GPHN: variants seen among roughly 807,000 people sequenced by gnomAD.
GPHN encodes gephyrin.
In GPHN, 17 loss-of-function variants were observed where a neutral mutation model predicts 95.5. The observed-to-expected ratio is 0.18, with a 90% CI of 0.12 to 0.27. The LOEUF (loss-of-function observed/expected upper bound fraction) is 0.27. Among genes scored for constraint, GPHN ranks in the 10% least tolerant of loss-of-function variants. GPHN has a pLI of 1.00. For missense variants in GPHN, 660 were observed against 978.1 expected, an observed-to-expected ratio of 0.67 and a Z score of 4.34; for synonymous variants, 320 against 322.5, an observed-to-expected ratio of 0.99 and a Z score of 0.08.
chr14:67,578,804 G>A, the GPHN span, among the ~76,000 whole-genome samples: 3 of 152,118 alleles, frequency 2.0e-5, no homozygotes, highest in Admixed American at 1.3e-4. This position sits in a 1 kb window ranked among gnomAD's most constrained non-coding sequence, Gnocchi z 5.0. Flanking sequence ...TGTGGATCTG[G>A]GCATGCTTAA....
chr14:67,155,936 C>G (rs1043671839), intron 18 of GPHN, among the ~76,000 whole-genome samples: 1 of 151,966 alleles, frequency 6.6e-6, no homozygotes, highest in African/African-American at 2.4e-5. Flanking sequence ...AATGATGGAA[C>G]CCAGAAAACA....
intron 2 of GPHN, among the ~76,000 whole-genome samples, chr14:66,747,612 A>T (rs1334637423): frequency 1.4e-5 from 1 of 71,566 alleles, no homozygotes; most frequent in African/African-American, 1.9e-4. Context: ...AGTACATTGT[A>T]AAAAAAAAAA....
At chr14:67,690,102 C>T in the GPHN span, 70 of 877,998 alleles carry the variant, frequency 8.0e-5, no homozygotes, top group Non-Finnish European at 1.1e-4. Context: ...ATTATAGCCA[C>T]GGAAGCAGGT....
intron 2 of GPHN, among the ~76,000 whole-genome samples, chr14:66,714,486 T>G (rs369171885): frequency 1.9e-4 from 29 of 152,294 alleles, no homozygotes; most frequent in African/African-American, 6.5e-4. Context: ...GATTCCGTTT[T>G]TTACTTTCTC....
the GPHN span, among the ~76,000 whole-genome samples, chr14:67,549,273 A>AT: frequency 0.012 from 1,726 of 139,852 alleles, 23 homozygotes; most frequent in African/African-American, 0.036. Flanking sequence ...GAGATTTTTA[A>AT]TTTTTTTTTT....
chr14:66,594,099 A>G (rs1474505611), intron 1 of GPHN, among the ~76,000 whole-genome samples: 1 of 152,152 alleles, frequency 6.6e-6, no homozygotes, highest in Admixed American at 6.5e-5. Flanking sequence ...TTAGGTATAA[A>G]TTTACCCAAA....
chr14:66,591,182 A>G (rs951696489), intron 1 of GPHN, among the ~76,000 whole-genome samples: 1 of 152,192 alleles, frequency 6.6e-6, no homozygotes, highest in African/African-American at 2.4e-5. Flanking sequence ...ATTTATGACA[A>G]ACCCGCAGCC....
chr14:67,488,079 C>T, the GPHN span, among the ~76,000 whole-genome samples: 7 of 152,208 alleles, frequency 4.6e-5, no homozygotes, highest in Non-Finnish European at 1.0e-4. Context: ...GCACTCAGGC[C>T]CAGCATGGCC....
At chr14:66,915,568 A>G (rs1376294749) in intron 5 of GPHN, among the ~76,000 whole-genome samples, 1 of 152,202 alleles carries the variant, frequency 6.6e-6, no homozygotes, top group Non-Finnish European at 1.5e-5. Flanking sequence ...GTTTTACTTT[A>G]AAACTTATAG....
At chr14:67,571,876 T>G in the GPHN span, 1 of 1,612,688 alleles carries the variant, frequency 6.2e-7, no homozygotes, top group Non-Finnish European at 8.5e-7. Context: ...ACCAGCGGAC[T>G]AGGCAGCCCC....
intron 1 of GPHN, among the ~76,000 whole-genome samples, chr14:66,676,618 T>C (rs6573701): frequency 0.33 from 49,753 of 151,082 alleles, 12,130 homozygotes; most frequent in African/African-American, 0.67. Context: ...TATTGATTTT[T>C]ATATGTTGAA....
chr14:66,908,531 A>T (rs1289966886), intron 5 of GPHN, among the ~76,000 whole-genome samples: 1 of 152,118 alleles, frequency 6.6e-6, no homozygotes, highest in Non-Finnish European at 1.5e-5. Flanking sequence ...ATTTATATAG[A>T]TGCTCCACCC....
At chr14:67,593,941 G>A in the GPHN span, 1 of 1,609,632 alleles carries the variant, frequency 6.2e-7, no homozygotes, top group South Asian at 1.1e-5. Context: ...CAGCAGAGAG[G>A]ATCATGCTGT....
intron 1 of GPHN, among the ~76,000 whole-genome samples, chr14:66,654,755 A>G (rs1483598874): frequency 6.6e-6 from 1 of 151,900 alleles, no homozygotes; most frequent in Non-Finnish European, 1.5e-5. Flanking sequence ...ATTTTCTCCT[A>G]TTTTTCCTAA....
At chr14:66,632,027 T>C (rs1380348619) in intron 1 of GPHN, among the ~76,000 whole-genome samples, 9 of 152,238 alleles carry the variant, frequency 5.9e-5, no homozygotes, top group African/African-American at 2.2e-4. Flanking sequence ...ATTGGTATTA[T>C]TATTTTTCTG....
At chr14:67,329,864 AAAT>A in the GPHN span, among the ~76,000 whole-genome samples, 1 of 110,654 alleles carries the variant, frequency 9.0e-6, no homozygotes, top group Non-Finnish European at 1.6e-5. Context: ...ATAAATAAAT[AAAT>A]AAATAAATAA....
chr14:67,527,175 A>G, the GPHN span, among the ~76,000 whole-genome samples: 1 of 152,196 alleles, frequency 6.6e-6, no homozygotes, highest in Admixed American at 6.5e-5. Context: ...CTGAGTGGCT[A>G]AAGGCGTGGT....
intron 8 of GPHN, among the ~76,000 whole-genome samples, chr14:66,952,969 C>T (rs561448000): frequency 1.3e-5 from 2 of 151,866 alleles, no homozygotes; most frequent in Admixed American, 6.6e-5. Context: ...GCTGGGATTA[C>T]AGGTGTGAGC....
At chr14:66,871,006 C>G (rs1478572666) in intron 4 of GPHN, among the ~76,000 whole-genome samples, 1 of 152,152 alleles carries the variant, frequency 6.6e-6, no homozygotes, top group Non-Finnish European at 1.5e-5. Flanking sequence ...AGTGGTCTGG[C>G]AAAATCCAGT....
Sources: gnomAD v4.1 joint callset for allele counts (sites outside exome capture counted in the v4.1 genomes callset) on GRCh38, gnomAD v4.1.1 for gene constraint, Gnocchi (gnomAD v3.1) non-coding constraint, MANE v1.5 for transcripts, NCBI Gene and HGNC (gene_info 2026-07-23, HGNC 2026-07-21) for gene names.